CHODL: variants seen among roughly 807,000 people sequenced by gnomAD.
The protein encoded by CHODL is transmembrane protein MT75.
A neutral mutation model predicts 34.5 loss-of-function variants in CHODL; 29 were observed. The observed-to-expected ratio is 0.84, with a 90% CI of 0.63 to 1.15. The LOEUF is 1.15. Ranked by LOEUF, CHODL falls within the 50% of genes most tolerant of loss-of-function variation. CHODL has a pLI of 0.00. For synonymous variants in CHODL, 125 were observed against 116.1 expected (o/e 1.08, Z -0.49); for missense variants, 332 against 332.5 (o/e 1.00, Z 0.01).
chr21:18,194,626 C>T (rs73893024), intron 2 of CHODL, among the ~76,000 whole-genome samples: 18,569 of 150,568 alleles, frequency 0.12, 2,017 homozygotes, highest in African/African-American at 0.3. Context: ...AAAACTAATG[C>T]GTATTTGACA....
chr21:18,035,545 C>G (rs2064299154), intron 2 of CHODL, among the ~76,000 whole-genome samples: 2 of 151,904 alleles, frequency 1.3e-5, no homozygotes, highest in Admixed American at 6.6e-5. Context: ...ACAGTTTTTT[C>G]TTTTCCCTCA....
chr21:18,002,666 C>T (rs555895839), intron 1 of CHODL, among the ~76,000 whole-genome samples: 63 of 152,144 alleles, frequency 4.1e-4, no homozygotes, highest in Non-Finnish European at 7.1e-4. Context: ...CCCTAGCAGA[C>T]CTCATCAAGC....
chr21:18,035,294 G>A (rs1310264945), intron 2 of CHODL, among the ~76,000 whole-genome samples: 1 of 151,856 alleles, frequency 6.6e-6, no homozygotes, highest in Non-Finnish European at 1.5e-5. Context: ...TTTTAAATAC[G>A]TTTTATCACT....
chr21:17,941,741 A>G (rs982594226), intron 1 of CHODL, among the ~76,000 whole-genome samples: 6 of 152,192 alleles, frequency 3.9e-5, no homozygotes, highest in African/African-American at 1.4e-4. Flanking sequence ...CTATAACAAA[A>G]TACCATAAAC....
chr21:17,965,716 G>A (rs897957396), intron 1 of CHODL, among the ~76,000 whole-genome samples: 3 of 152,024 alleles, frequency 2.0e-5, no homozygotes, highest in African/African-American at 7.2e-5. Context: ...GTATCTCACA[G>A]CACATATAAT....
At chr21:18,063,580 GA>G (rs2064695030) in intron 2 of CHODL, among the ~76,000 whole-genome samples, 1 of 152,060 alleles carries the variant, frequency 6.6e-6, no homozygotes, top group Admixed American at 6.5e-5. Context: ...TGAGAAAAAA[GA>G]AAAATAACTG....
chr21:18,173,097 C>T (rs898290571), intron 2 of CHODL, among the ~76,000 whole-genome samples: 1 of 152,140 alleles, frequency 6.6e-6, no homozygotes, highest in Admixed American at 6.5e-5. Flanking sequence ...TCACTTCTTA[C>T]GTCTCTGACC....
chr21:18,249,211 C>G (rs1019505195), intron 1 of CHODL, among the ~76,000 whole-genome samples: 1 of 146,470 alleles, frequency 6.8e-6, no homozygotes, highest in Non-Finnish European at 1.5e-5. Context: ...CTATTTACAA[C>G]AACTTTCTGT....
At chr21:18,192,788 C>G (rs1396931655) in intron 2 of CHODL, among the ~76,000 whole-genome samples, 1 of 152,040 alleles carries the variant, frequency 6.6e-6, no homozygotes, top group Non-Finnish European at 1.5e-5. Flanking sequence ...ATTAAATCTA[C>G]TCACTTCATC....
intron 5 of CHODL, among the ~76,000 whole-genome samples, chr21:18,263,202 G>A (rs1471155840): frequency 6.6e-6 from 1 of 152,066 alleles, no homozygotes; most frequent in East Asian, 1.9e-4. Flanking sequence ...TTGGATGTTT[G>A]TAAACTTCCA....
chr21:18,147,261 G>A lies in CHODL; in HGVS notation c.-44-109248G>A, dbSNP rs138320759. 3.3e-3 allele frequency among the ~76,000 whole-genome samples: 504 copies of A among 152,268 alleles called. 1 individual carries two copies. Among genetic ancestry groups the A allele is most frequent in the African/African-American group, 0.012 (484 of 41,546 alleles). On this transcript the variant is annotated intron_variant, in intron 2 of 6. Transcript: ENST00000400127. ...ACAGAGAAGAGGAATGGCCTGCTCC[G>A]CAGACTCAGCAAACTATTCTCTGGA...
intron 2 of CHODL, among the ~76,000 whole-genome samples, chr21:18,146,396 G>A (rs146782281): frequency 7.8e-4 from 118 of 152,210 alleles, no homozygotes; most frequent in African/African-American, 2.8e-3. Context: ...CCCACATAGT[G>A]GGGGCGGGAC....
At chr21:17,940,000 G>A (rs1427630427) in intron 1 of CHODL, among the ~76,000 whole-genome samples, 2 of 152,184 alleles carry the variant, frequency 1.3e-5, no homozygotes, top group African/African-American at 4.8e-5. Context: ...CTGTCATAGA[G>A]GTTTGTGAAC....
chr21:18,221,828 T>C (rs1601165833), intron 2 of CHODL, among the ~76,000 whole-genome samples: 1 of 152,180 alleles, frequency 6.6e-6, no homozygotes, highest in South Asian at 2.1e-4. Context: ...CTGAGCAGGG[T>C]GCACAGACAC....
intron 1 of CHODL, among the ~76,000 whole-genome samples, chr21:18,002,329 T>C (rs557389042): frequency 1.3e-5 from 2 of 152,354 alleles, no homozygotes; most frequent in South Asian, 4.1e-4. Flanking sequence ...TCCTAACAGA[T>C]AGAATCCCAG....
chr21:17,927,134 G>GTATATATGTATATATGTA (rs1436669928), intron 1 of CHODL, among the ~76,000 whole-genome samples: 8 of 107,708 alleles, frequency 7.4e-5, no homozygotes, highest in East Asian at 2.6e-4. Flanking sequence ...GTATATATAT[G>GTATATATGTATATATGTA]TATATATGTA....
At chr21:17,929,040 T>C (rs1227249179) in intron 1 of CHODL, among the ~76,000 whole-genome samples, 1 of 152,216 alleles carries the variant, frequency 6.6e-6, no homozygotes. Flanking sequence ...GTTTCTAATG[T>C]CAACACTGGT....
intron 2 of CHODL, among the ~76,000 whole-genome samples, chr21:18,124,441 T>C (rs538538051): frequency 1.1e-4 from 17 of 152,206 alleles, no homozygotes; most frequent in Non-Finnish European, 1.9e-4. Flanking sequence ...TCTTCTTGTA[T>C]CTGTGCTCTG....
At chr21:18,123,213 G>C (rs538317620) in intron 2 of CHODL, among the ~76,000 whole-genome samples, 1 of 152,278 alleles carries the variant, frequency 6.6e-6, no homozygotes, top group South Asian at 2.1e-4. Flanking sequence ...GGATGCTGTG[G>C]TATAAGACCT....
Sources: gnomAD v4.1 joint callset for allele counts (sites outside exome capture counted in the v4.1 genomes callset) on GRCh38, gnomAD v4.1.1 for gene constraint, MANE v1.5 for transcripts, NCBI Gene and HGNC (gene_info 2026-07-23, HGNC 2026-07-21) for gene names.